The following FANK1 variants were observed in gnomAD, a reference collection of about 807,000 sequenced individuals.
FANK1 encodes fibronectin type 3 and ankyrin repeat domains protein 1.
A neutral mutation model predicts 45.3 loss-of-function variants in FANK1; 44 were observed. That is an observed-to-expected ratio of 0.97 (90% CI 0.76 to 1.25). The LOEUF (loss-of-function observed/expected upper bound fraction) is 1.25, where lower values mean the gene tolerates loss of function less well. FANK1 is among the 50% of genes most tolerant of loss of function. The pLI, the probability that FANK1 is intolerant of heterozygous loss-of-function variation, is 0.00. For missense variants in FANK1, 391 were observed against 424.4 expected, an observed-to-expected ratio of 0.92 and a Z score of 0.69; for synonymous variants, 149 against 152.5, an observed-to-expected ratio of 0.98 and a Z score of 0.17.
chr10:125,934,567 A>T (rs1031223508), intron 1 of FANK1, among the ~76,000 whole-genome samples: 1 of 151,796 alleles, frequency 6.6e-6, no homozygotes, highest in African/African-American at 2.4e-5. Context: ...CTGGTCCCCA[A>T]ACCAAGTCGA....
intron 1 of FANK1, chr10:125,974,773 C>T (rs1246680468): frequency 6.6e-6 from 1 of 152,122 alleles, no homozygotes; most frequent in African/African-American, 2.4e-5. Context: ...ATAAATGGGT[C>T]ATCTTTTGTT....
chr10:125,940,586 CAGAGGCCTTCCTCTTGTCTCAACCTCA>C (rs1554923630), intron 1 of FANK1, among the ~76,000 whole-genome samples: 1 of 152,094 alleles, frequency 6.6e-6, no homozygotes, highest in Non-Finnish European at 1.5e-5. Flanking sequence ...ACGCAGGAGA[CAGAGGCCTTCCTCTTGTCTCAACCTCA>C]AGAGGCCTTC....
chr10:125,923,661 G>T (rs998734712), intron 1 of FANK1, among the ~76,000 whole-genome samples: 1 of 151,886 alleles, frequency 6.6e-6, no homozygotes, highest in Non-Finnish European at 1.5e-5. Context: ...CCAAGTAGGT[G>T]GGACCACAGG....
chr10:125,906,093 A>G (rs562405020), intron 1 of FANK1, among the ~76,000 whole-genome samples: 70 of 152,390 alleles, frequency 4.6e-4, no homozygotes, highest in Non-Finnish European at 9.3e-4. Context: ...TCTAAAGGCT[A>G]TGGTTCACGT....
In FANK1 at chr10:125,900,963, CT is replaced by C. The variant is rs113742142; in HGVS notation, c.13+4318del. Among the ~76,000 whole-genome samples, 287 of 148,870 alleles carry C rather than the reference CT, an allele frequency of 1.9e-3. 2 individuals carry two copies. Among genetic ancestry groups the C allele is most frequent in the African/African-American group, 5.7e-3 (231 of 40,698 alleles). On this transcript the variant is annotated intron_variant, in intron 1 of 10. Coordinates refer to ENST00000368693, the MANE Select transcript of FANK1 (RefSeq NM_145235.5). ...CTGTGCCCAGCCTTTTTCTGCCCCC[CT>C]TTTTTTTTTGTAGTTGTTGTTTTTA... is the stretch of plus-strand genomic sequence containing the variant.
intron 3 of FANK1, among the ~76,000 whole-genome samples, chr10:125,990,052 A>G (rs1235424478): frequency 6.6e-6 from 1 of 152,184 alleles, no homozygotes; most frequent in East Asian, 1.9e-4. Context: ...AGCCTGCTCC[A>G]TGGGCAAGCA....
At chr10:125,977,496 C>CT (rs1186540608) in intron 1 of FANK1, among the ~76,000 whole-genome samples, 2 of 152,164 alleles carry the variant, frequency 1.3e-5, no homozygotes, top group African/African-American at 4.8e-5. Flanking sequence ...TTTCAGTGCT[C>CT]TGAAACTGTG....
At chr10:125,914,496 G>C (rs771483567) in intron 1 of FANK1, among the ~76,000 whole-genome samples, 7 of 152,084 alleles carry the variant, frequency 4.6e-5, no homozygotes, top group Non-Finnish European at 1.0e-4. Context: ...CTTGTGGATA[G>C]ACACACCTCA....
intron 1 of FANK1, among the ~76,000 whole-genome samples, chr10:125,938,481 C>T (rs778961125): frequency 5.9e-5 from 9 of 152,140 alleles, no homozygotes; most frequent in Non-Finnish European, 1.2e-4. Flanking sequence ...CTAGAATATT[C>T]GGTGTGCCAC....
chr10:125,973,498 C>T (rs1401038913), intron 1 of FANK1: 14 of 981,108 alleles, frequency 1.4e-5, no homozygotes, highest in Non-Finnish European at 1.6e-5. Context: ...AGTAAGAGGT[C>T]AGTGTCTGGT....
chr10:125,993,403 G>A (rs547895889), intron 3 of FANK1, among the ~76,000 whole-genome samples: 41 of 152,140 alleles, frequency 2.7e-4, no homozygotes, highest in Non-Finnish European at 5.1e-4. Context: ...TAGATGAGAC[G>A]CATCATGATT....
intron 1 of FANK1, among the ~76,000 whole-genome samples, chr10:125,957,257 ACT>A (rs1250873768): frequency 6.6e-6 from 1 of 151,718 alleles, no homozygotes; most frequent in African/African-American, 2.4e-5. Context: ...CAGGCCCCAG[ACT>A]CTGTGCTGTT....
At chr10:125,946,898 G>C (rs1489606169) in intron 1 of FANK1, among the ~76,000 whole-genome samples, 1 of 147,848 alleles carries the variant, frequency 6.8e-6, no homozygotes, top group Admixed American at 6.7e-5. Context: ...AAGCCCATCA[G>C]ACTAACAGCG....
chr10:125,991,331 C>T (rs1377406993), intron 3 of FANK1, among the ~76,000 whole-genome samples: 1 of 151,026 alleles, frequency 6.6e-6, no homozygotes, highest in Non-Finnish European at 1.5e-5. Context: ...GCATCACTGC[C>T]TGCAGCCAGG....
At chr10:125,927,150 C>T (rs1947405615) in intron 1 of FANK1, among the ~76,000 whole-genome samples, 2 of 152,264 alleles carry the variant, frequency 1.3e-5, no homozygotes, top group African/African-American at 4.8e-5. Flanking sequence ...CTCTGTCACC[C>T]CAGCTGGAGT....
rs570211769 is a variant in FANK1 at position 125,949,799 on chromosome 10, C to T, written c.14-30362C>T. On this transcript the variant is annotated intron_variant, in intron 1 of 10. Transcript: ENST00000368693. Reference sequence around the variant, plus strand: ...TCATATGGAACCAAAAAAGAGCCTGCATCGCCAAGTCAATCCTAAGCCAAA... The same window carrying T: ...TCATATGGAACCAAAAAAGAGCCTGTATCGCCAAGTCAATCCTAAGCCAAA... Among the ~76,000 whole-genome samples the T allele has an allele frequency of 1.1e-4, 17 of 149,858 alleles. 1 individual carries two copies. Among genetic ancestry groups the T allele is most frequent in the South Asian group, 8.7e-4 (4 of 4,608 alleles).
chr10:125,943,572 A>G (rs965673870), intron 1 of FANK1, among the ~76,000 whole-genome samples: 1 of 152,230 alleles, frequency 6.6e-6, no homozygotes, highest in African/African-American at 2.4e-5. Context: ...CATTTTGTAT[A>G]CATAGAATTA....
chr10:125,973,499 A>G (rs1189298970), intron 1 of FANK1: 1 of 980,838 alleles, frequency 1.0e-6, no homozygotes, highest in East Asian at 1.1e-4. Context: ...GTAAGAGGTC[A>G]GTGTCTGGTT....
intron 1 of FANK1, among the ~76,000 whole-genome samples, chr10:125,964,114 C>G (rs1252063918): frequency 6.6e-6 from 1 of 151,398 alleles, no homozygotes; most frequent in African/African-American, 2.4e-5. Context: ...TTCTTTCATC[C>G]TATTTTTCCT....
Sources: allele counts gnomAD v4.1 joint callset (sites outside exome capture counted in the v4.1 genomes callset), GRCh38; gene constraint gnomAD v4.1.1; transcripts MANE v1.5; gene names NCBI Gene and HGNC (gene_info 2026-07-23, HGNC 2026-07-21).